Variants in GSAP observed in about 807,000 individuals in gnomAD.
GSAP encodes the protein gamma-secretase-activating protein.
In GSAP, 118 loss-of-function variants were observed where a neutral mutation model predicts 131.7. That is an observed-to-expected ratio of 0.90 (90% CI 0.77 to 1.04). The LOEUF (loss-of-function observed/expected upper bound fraction) is 1.04. Among genes scored for constraint, GSAP ranks in the 50% least tolerant of loss-of-function variants. The pLI, the probability that GSAP is intolerant of heterozygous loss-of-function variation, is 0.00. For missense variants in GSAP, 1,019 were observed against 1,013.2 expected, an observed-to-expected ratio of 1.01 and a Z score of -0.08; for synonymous variants, 381 against 363.4, an observed-to-expected ratio of 1.05 and a Z score of -0.55.
intron 5 of GSAP, among the ~76,000 whole-genome samples, chr7:77,389,500 T>C (rs1584683027): frequency 6.7e-6 from 1 of 150,042 alleles, no homozygotes; most frequent in East Asian, 2.0e-4. Context: ...GTTCTCATTG[T>C]TCGATTCCCA....
intron 13 of GSAP, among the ~76,000 whole-genome samples, chr7:77,361,191 C>T (rs1027913152): frequency 2.6e-5 from 4 of 152,180 alleles, no homozygotes; most frequent in Non-Finnish European, 5.9e-5. Context: ...CTTAAAGATC[C>T]AAGAGATAGA....
chr7:77,352,443 G>A (rs1793023063), intron 18 of GSAP, among the ~76,000 whole-genome samples: 1 of 152,210 alleles, frequency 6.6e-6, no homozygotes, highest in African/African-American at 2.4e-5. Context: ...AAAGGAGGGA[G>A]TCAGAACCGA....
intron 19 of GSAP, among the ~76,000 whole-genome samples, chr7:77,340,079 T>C (rs2150750669): frequency 6.6e-6 from 1 of 152,340 alleles, no homozygotes; most frequent in East Asian, 1.9e-4. Flanking sequence ...TCCACCATTG[T>C]GATTTGTTTC....
intron 3 of GSAP, 66 bp downstream of exon 3, chr7:77,404,493 A>G: frequency 1.2e-6 from 1 of 801,818 alleles, no homozygotes; most frequent in African/African-American, 1.7e-5. Context: ...TATATCTAGA[A>G]AAAGGAGGAG....
At chr7:77,337,706 G>T (rs2050283807) in intron 19 of GSAP, among the ~76,000 whole-genome samples, 1 of 152,204 alleles carries the variant, frequency 6.6e-6, no homozygotes, top group Non-Finnish European at 1.5e-5. Flanking sequence ...ATACACTACA[G>T]ATGTCCAACT....
At position 77,310,944 on chromosome 7, in the gene GSAP, AAT is replaced by A. The variant is rs1794286352; in HGVS notation, c.*412_*413del. On this transcript the variant is annotated 3_prime_UTR_variant, in exon 31 of 31. Coordinates refer to ENST00000257626, the MANE Select transcript of GSAP (RefSeq NM_017439.4). ...AGTTTTTAAAAGGACCCTCTTTCCAAATAGTGTTCTTATGTAACATTTAATTT... is the reference window on the plus strand; with the variant it reads ...AGTTTTTAAAAGGACCCTCTTTCCAAAGTGTTCTTATGTAACATTTAATTT... The A allele has an allele frequency of 6.3e-6, 1 of 157,576 alleles. No individual in the cohort carries two copies. The highest frequency in any genetic ancestry group is 2.4e-5 in the African/African-American group (1 of 41,580). 9.8% of individuals were successfully genotyped at this position (157,576 alleles called of 1,614,324 possible). A position where few individuals can be genotyped will look rare whatever the true frequency, so the allele number is the denominator to read the frequency against.
intron 18 of GSAP, among the ~76,000 whole-genome samples, chr7:77,352,416 C>G (rs1031269046): frequency 6.6e-6 from 1 of 152,164 alleles, no homozygotes; most frequent in Non-Finnish European, 1.5e-5. Context: ...TGTTTTAGCT[C>G]AGCACATCCT....
intron 12 of GSAP, among the ~76,000 whole-genome samples, chr7:77,370,153 T>C (rs184549338): frequency 1.1e-4 from 16 of 152,198 alleles, no homozygotes; most frequent in Admixed American, 9.8e-4. Flanking sequence ...TCATATCCAA[T>C]AGATTTAAAG....
intron 19 of GSAP, chr7:77,331,753 A>C (rs1744173127): frequency 6.6e-6 from 1 of 152,176 alleles, no homozygotes; most frequent in African/African-American, 2.4e-5. Context: ...CTTCCCAAGA[A>C]AGTCTCATGT....
intron 8 of GSAP, 68 bp from the exon 9 acceptor site, chr7:77,377,458 T>C: frequency 7.0e-7 from 1 of 1,435,138 alleles, no homozygotes; most frequent in East Asian, 2.4e-5. Flanking sequence ...ATATCTGGAA[T>C]TCATAATTAT....
chr7:77,407,435 T>C (rs1802486895), intron 1 of GSAP, among the ~76,000 whole-genome samples: 1 of 152,226 alleles, frequency 6.6e-6, no homozygotes, highest in African/African-American at 2.4e-5. Context: ...ATGTAGTCCA[T>C]TTTTACATTC....
chr7:77,411,479 C>T (rs1803272881), intron 1 of GSAP, among the ~76,000 whole-genome samples: 2 of 152,126 alleles, frequency 1.3e-5, no homozygotes, highest in African/African-American at 2.4e-5. Context: ...TATATACCAG[C>T]AATAGTTACA....
At chr7:77,332,417 T>G (rs11761838) in intron 19 of GSAP, among the ~76,000 whole-genome samples, 1 of 152,072 alleles carries the variant, frequency 6.6e-6, no homozygotes, top group East Asian at 1.9e-4. Context: ...ACATTGTGGA[T>G]TTATCAAATC....
chr7:77,361,820 C>T (rs1190186197), intron 13 of GSAP, among the ~76,000 whole-genome samples: 1 of 152,268 alleles, frequency 6.6e-6, no homozygotes, highest in Non-Finnish European at 1.5e-5. Context: ...CATTTGACTG[C>T]TTCTCCCTAG....
chr7:77,361,501 C>A (rs1343569432), intron 13 of GSAP, among the ~76,000 whole-genome samples: 1 of 152,130 alleles, frequency 6.6e-6, no homozygotes, highest in Non-Finnish European at 1.5e-5. Context: ...GAATATATGT[C>A]TAGTTCTGAA....
chr7:77,369,904 T>TTTTTA (rs1441155748), intron 12 of GSAP, among the ~76,000 whole-genome samples: 1 of 152,116 alleles, frequency 6.6e-6, no homozygotes, highest in African/African-American at 2.4e-5. Flanking sequence ...TGAAACACGT[T>TTTTTA]TTTTTATTTT....
Position 77,311,290 on chromosome 7 carries a change from T to C in GSAP, c.*68A>G. 1 of 907,704 alleles carries C rather than the reference T, an allele frequency of 1.1e-6. No individual in the cohort carries two copies. The highest frequency in any genetic ancestry group is 1.4e-5 in the South Asian group (1 of 73,598). The allele number at this position is 907,704 out of a possible 1,614,324, so 56.2% of individuals were successfully genotyped here. On this transcript the variant is annotated 3_prime_UTR_variant, in exon 31 of 31. Coordinates refer to ENST00000257626, the MANE Select transcript of GSAP (RefSeq NM_017439.4). ...ACCAATTTTAAATATTGTTAAAGAA[T>C]TCTCAAAGGAGTAAGGTTAATGAGC...
chr7:77,414,059 AG>A (rs1338637204), intron 1 of GSAP, among the ~76,000 whole-genome samples: 1 of 152,246 alleles, frequency 6.6e-6, no homozygotes, highest in Non-Finnish European at 1.5e-5. Flanking sequence ...TTACAGGCAC[AG>A]AATTTCCATG....
rs554315553 is a variant in GSAP, at chr7:77,313,425, G to A, written c.2271+63C>T. ...AAGCAAGTAAATGCTCTTTTTGCAA[G>A]AAGAAATTGAAGGAGGGTAATGCCA... On this transcript the variant is annotated intron_variant, in intron 28 of 30. Coordinates refer to ENST00000257626, the MANE Select transcript of GSAP (RefSeq NM_017439.4). 8 of 824,192 alleles carry A rather than the reference G, an allele frequency of 9.7e-6. 1 individual carries two copies. The highest frequency in any genetic ancestry group is 7.6e-5 in the South Asian group (5 of 65,670). 51.1% of individuals were successfully genotyped at this position (824,192 alleles called of 1,614,324 possible).
Sources: gnomAD v4.1 joint callset for allele counts (sites outside exome capture counted in the v4.1 genomes callset) on GRCh38, gnomAD v4.1.1 for gene constraint, MANE v1.5 for transcripts, NCBI Gene and HGNC (gene_info 2026-07-23, HGNC 2026-07-21) for gene names.